Variants in PCDHA6 observed in about 807,000 individuals in gnomAD.
PCDHA6 encodes the protein protocadherin alpha 6.
In PCDHA6, 55 loss-of-function variants were observed where a neutral mutation model predicts 60.3. The ratio of observed to expected loss-of-function variants is 0.91; its 90% CI spans 0.73 to 1.14. The LOEUF (loss-of-function observed/expected upper bound fraction) is 1.14. Among genes scored for constraint, PCDHA6 ranks in the 50% most tolerant of loss-of-function variants. The probability of loss-of-function intolerance (pLI) is 0.00; values close to 1 mark genes in which losing one functional copy is unlikely to be tolerated. For synonymous variants in PCDHA6, 652 were observed against 557.9 expected, an observed-to-expected ratio of 1.17 and a Z score of -2.38; for missense variants, 1,327 against 1,256.5, an observed-to-expected ratio of 1.06 and a Z score of -0.85.
chr5:140,979,411 T>C (rs1422593406), intron 2 of PCDHA6, among the ~76,000 whole-genome samples: 1 of 152,204 alleles, frequency 6.6e-6, no homozygotes, highest in Non-Finnish European at 1.5e-5. Flanking sequence ...CTACCTTGTT[T>C]TTTTTTTAAT....
At chr5:140,966,925 A>T in intron 1 of PCDHA6, 8 of 1,603,462 alleles carry the variant, frequency 5.0e-6, no homozygotes, top group African/African-American at 1.3e-5. Context: ...AGGAGCAGGC[A>T]CCCGGCGCGC....
intron 1 of PCDHA6, among the ~76,000 whole-genome samples, chr5:140,900,607 C>T (rs1340239730): frequency 6.6e-6 from 1 of 152,170 alleles, no homozygotes; most frequent in Non-Finnish European, 1.5e-5. Context: ...TGATGATGGA[C>T]ATGTAGATTG....
intron 1 of PCDHA6, among the ~76,000 whole-genome samples, chr5:140,898,820 G>A (rs1303151513): frequency 6.6e-6 from 1 of 152,208 alleles, no homozygotes; most frequent in Admixed American, 6.5e-5. Context: ...TCCTACCCAT[G>A]AGCATGGAAT....
Position 141,010,515 on chromosome 5 carries a change from CAA to C in PCDHA6, c.*579_*580del, listed in dbSNP as rs1554262971. ...ACCAGACTTTCTAAATCTTACAACTCAAGAGGTGGCAGCCACCCTCTAGGAGA... is the reference window on the plus strand; with the variant it reads ...ACCAGACTTTCTAAATCTTACAACTCGAGGTGGCAGCCACCCTCTAGGAGA... On this transcript the variant is annotated 3_prime_UTR_variant, in exon 4 of 4. Transcript: ENST00000529310. 4.1e-6 allele frequency: 2 copies of C among 483,800 alleles called. No individual in the cohort carries two copies. Among genetic ancestry groups the C allele is most frequent in the African/African-American group, 2.0e-5 (1 of 51,026 alleles). 30.0% of individuals were successfully genotyped at this position (483,800 alleles called of 1,614,324 possible).
At chr5:140,852,752 C>A in intron 1 of PCDHA6, 1 of 983,714 alleles carries the variant, frequency 1.0e-6, no homozygotes, top group Non-Finnish European at 1.2e-6. Context: ...TAAACTTGGA[C>A]CCAGGTATCT....
intron 1 of PCDHA6, among the ~76,000 whole-genome samples, chr5:140,937,729 G>A (rs1471512736): frequency 1.3e-5 from 2 of 151,886 alleles, no homozygotes; most frequent in African/African-American, 4.8e-5. Context: ...TGGCTAACAC[G>A]GTGAAACCCC....
rs782531082 is a variant in PCDHA6 at position 140,877,160 on chromosome 5, C to T, written c.2394+46675C>T. The T allele has an allele frequency of 4.0e-5, 64 of 1,613,696 alleles. 1 individual carries two copies. In the Admixed American group the frequency reaches 1.0e-3, roughly 26 times the overall value. The stretch of plus-strand genomic sequence containing the variant: ...GTGCTGGACGAGAACGACAACGCGC[C>T]GGCACTGCTGGCGACTCCGGCTGGC... On this transcript the variant is annotated intron_variant, in intron 1 of 3. Transcript: ENST00000529310.
Position 140,958,902 on chromosome 5 carries a change from GAA to G in PCDHA6, c.2395-20044_2395-20043del, listed in dbSNP as rs201571519. On this transcript the variant is annotated intron_variant, in intron 1 of 3. Transcript: ENST00000529310. ...GACCAGTAGCTATATAATAGATACA[GAA>G]AAGTCTGCCTGGGTGTGGTGGCTCA... Among the ~76,000 whole-genome samples the G allele has an allele frequency of 8.2e-3, 1,248 of 152,002 alleles. 7 individuals carry two copies. The highest frequency in any genetic ancestry group is 0.021 in the Middle Eastern group (6 of 292).
In PCDHA6 at chr5:140,928,550, C is replaced by T. The variant is rs781857799; in HGVS notation, c.2395-50399C>T. The T allele has an allele frequency of 3.7e-6, 6 of 1,614,160 alleles. No individual in the cohort carries two copies. Among genetic ancestry groups the T allele is most frequent in the South Asian group, 3.3e-5 (3 of 91,084 alleles). On this transcript the variant is annotated intron_variant, in intron 1 of 3. Transcript: ENST00000529310. ...GTGGTAGATAGGAATGACAATTATC[C>T]GGTTATCTTGTTTCCCTTGCCCAGA...
In PCDHA6 at chr5:140,850,319, A is replaced by G; in HGVS notation, c.2394+19834A>G. The G allele has an allele frequency of 2.5e-6, 4 of 1,597,562 alleles. 1 individual carries two copies. The highest frequency in any genetic ancestry group is 1.1e-5 in the South Asian group (1 of 90,528). Reference sequence around the variant, plus strand: ...ACTCGGGCTACAACGCGTGGCTTTCATACGAGCTGCAGCCAGAAACGGCCA... The same window carrying G: ...ACTCGGGCTACAACGCGTGGCTTTCGTACGAGCTGCAGCCAGAAACGGCCA... On this transcript the variant is annotated intron_variant, in intron 1 of 3. Coordinates refer to ENST00000529310, the MANE Select transcript of PCDHA6 (RefSeq NM_018909.4).
rs555659207 is a variant in PCDHA6, at chr5:140,967,475, C to A, written c.2395-11474C>A. 2.5e-6 allele frequency: 4 copies of A among 1,613,342 alleles called. No homozygotes were observed. In the East Asian group the frequency reaches 8.9e-5, roughly 36 times the overall value. On this transcript the variant is annotated intron_variant, in intron 1 of 3. Coordinates refer to ENST00000529310, the MANE Select transcript of PCDHA6 (RefSeq NM_018909.4). ...AGCCGTGGATGGGGGCATCCCAGCC[C>A]GCTCGGGTACGGCACAGATCTCTGT...
In PCDHA6 at chr5:140,832,659, T is replaced by A. The variant is rs1044025424; in HGVS notation, c.2394+2174T>A. On this transcript the variant is annotated intron_variant, in intron 1 of 3. Transcript: ENST00000529310. ...AGGAGGGTCTTTAAGAGTATCACAC[T>A]GTGCCTGCTGAGAATCATCGAATTA... 3.9e-5 allele frequency among the ~76,000 whole-genome samples: 6 copies of A among 152,316 alleles called. No homozygotes were observed. The South Asian group carries it at 1.0e-3, about 26-fold the overall frequency.
In PCDHA6 at chr5:140,829,006, G is replaced by A. The variant is rs1461525244; in HGVS notation, c.915G>A (p.Arg305=). Residue 305 remains arginine (R), a synonymous_variant, in exon 1 of 4, where the codon CGG becomes CGA. Coordinates refer to ENST00000529310, the MANE Select transcript of PCDHA6 (RefSeq NM_018909.4). ...GAAATACGGGAGAAATAGTGATTCG[G>A]GGTAATTTGGATTTTGAACAAGAAA... The part of the protein sequence containing the change: ...IDRNTGEIVI[R]GNLDFEQENL... 2 of 1,613,752 alleles carry A rather than the reference G, an allele frequency of 1.2e-6. No individual in the cohort carries two copies. The highest frequency in any genetic ancestry group is 1.3e-5 in the African/African-American group (1 of 75,010).
Position 140,829,438 on chromosome 5 carries a change from T to A in PCDHA6, c.1347T>A (p.Asn449Lys), listed in dbSNP as rs782236378. ...TGTCTGTGGAGGTGGCCGACATGAATGACAATGCTCCGGCGTTCGCGCAGC... is the reference window on the plus strand; with the variant it reads ...TGTCTGTGGAGGTGGCCGACATGAAAGACAATGCTCCGGCGTTCGCGCAGC... ...ASLSVEVADM[N>K]DNAPAFAQPE... The change falls in exon 1 of 4, where the codon AAT becomes AAA. Residue 449 changes from asparagine (N) to lysine (K), a missense_variant. Asn to Lys is a moderately conservative substitution (Grantham distance 94). Transcript: ENST00000529310. The A allele has an allele frequency of 2.5e-6, 4 of 1,613,992 alleles. No homozygotes were observed. The highest frequency in any genetic ancestry group is 3.4e-6 in the Non-Finnish European group (4 of 1,180,020).
intron 1 of PCDHA6, chr5:140,858,022 G>A (rs1554151044): frequency 1.3e-6 from 2 of 1,597,054 alleles, no homozygotes; most frequent in Non-Finnish European, 8.6e-7. Flanking sequence ...AGCCGTCGCT[G>A]ACGGCCACGG....
intron 1 of PCDHA6, among the ~76,000 whole-genome samples, chr5:140,947,982 T>C (rs1178353293): frequency 1.3e-5 from 2 of 148,572 alleles, no homozygotes; most frequent in Admixed American, 1.3e-4. Flanking sequence ...CTCATAGGTT[T>C]TTCCCAAATA....
At chr5:140,889,242 TTC>T (rs1195440878) in intron 1 of PCDHA6, among the ~76,000 whole-genome samples, 1 of 151,892 alleles carries the variant, frequency 6.6e-6, no homozygotes, top group African/African-American at 2.4e-5. Flanking sequence ...CCAGAAAATT[TTC>T]TGTTTCCTGT....
chr5:140,870,055 G>A (rs868919509), intron 1 of PCDHA6: 6 of 1,613,774 alleles, frequency 3.7e-6, no homozygotes, highest in Non-Finnish European at 5.1e-6. Context: ...TTATAAAATT[G>A]AAGTACAGGC....
intron 1 of PCDHA6, among the ~76,000 whole-genome samples, chr5:140,950,272 CT>C (rs373882606): frequency 7.9e-5 from 12 of 151,950 alleles, no homozygotes; most frequent in African/African-American, 2.9e-4. Flanking sequence ...TCCATAATGT[CT>C]TTTTGCTTCA....
Sources: allele counts gnomAD v4.1 joint callset (sites outside exome capture counted in the v4.1 genomes callset), GRCh38; gene constraint gnomAD v4.1.1; transcripts MANE v1.5; gene names NCBI Gene and HGNC (gene_info 2026-07-23, HGNC 2026-07-21).